The following OASL variants were observed in gnomAD, a reference collection of about 807,000 sequenced individuals.
The protein encoded by OASL is 2'-5'-oligoadenylate synthetase like, also known as 2'-5'-oligoadenylate synthase-like protein.
Under a neutral mutation model 35.3 loss-of-function variants are expected in OASL, and 28 were observed. The observed-to-expected ratio is 0.79, with a 90% CI of 0.59 to 1.09. The LOEUF (loss-of-function observed/expected upper bound fraction) is 1.09. OASL is among the 50% of genes least tolerant of loss of function. OASL has a pLI of 0.00. For synonymous variants in OASL, 252 were observed against 254.6 expected (o/e 0.99, Z 0.10); for missense variants, 620 against 635.2 (o/e 0.98, Z 0.26).
intron 2 of OASL, among the ~76,000 whole-genome samples, chr12:121,033,070 G>A (rs955228531): frequency 3.3e-5 from 5 of 151,752 alleles, no homozygotes; most frequent in South Asian, 2.1e-4. Context: ...GATTACAGGC[G>A]CCCACCACCA....
At chr12:121,022,587 C>T (rs1349287379) in intron 5 of OASL, among the ~76,000 whole-genome samples, 1 of 152,212 alleles carries the variant, frequency 6.6e-6, no homozygotes, top group East Asian at 1.9e-4. Flanking sequence ...TGGGCCTCCT[C>T]ATTTGGCCAG....
chr12:121,020,934 C>G, exon 6 of OASL: 1 of 1,614,186 alleles, frequency 6.2e-7, no homozygotes, highest in Non-Finnish European at 8.5e-7. Flanking sequence ...ACGCTGCAGG[C>G]CAGAGTAGCC....
At chr12:121,036,505 C>G (rs116875355) in intron 1 of OASL, among the ~76,000 whole-genome samples, 10 of 152,112 alleles carry the variant, frequency 6.6e-5, no homozygotes, top group African/African-American at 2.2e-4. Context: ...CATTCTTGGC[C>G]GGGCGTGGTG....
rs768623395 is a variant in OASL, at chr12:121,031,593, G to GA, written c.505_506insT (p.Pro169LeufsTer4). 3.7e-6 allele frequency: 6 copies of GA among 1,613,456 alleles called. No homozygotes were observed. Among genetic ancestry groups the GA allele is most frequent in the Non-Finnish European group, 4.2e-6 (5 of 1,179,632 alleles). ...CAGGCTCACATAGACCTCAGGGGGTGGCTGGGAGTTGGGAAGAGAAGGCCC... is the reference window on the plus strand; with the variant it reads ...CAGGCTCACATAGACCTCAGGGGGTGAGCTGGGAGTTGGGAAGAGAAGGCCC... On this transcript the variant is annotated frameshift_variant, in exon 3 of 6. Coordinates refer to ENST00000257570, the Ensembl canonical transcript of OASL. LOFTEE classifies it high-confidence loss of function.
exon 4 of OASL, chr12:121,027,605 A>G (rs199515027): frequency 8.7e-5 from 140 of 1,613,688 alleles, no homozygotes; most frequent in Middle Eastern, 4.9e-4. Context: ...TTCTGACACA[A>G]TCCTCAATGA....
chr12:121,033,011 C>T (rs750509649), intron 2 of OASL, among the ~76,000 whole-genome samples: 13 of 151,942 alleles, frequency 8.6e-5, no homozygotes, highest in Admixed American at 7.9e-4. Context: ...CTGCAACCTC[C>T]GCCTCCTGGG....
chr12:121,027,895 G>T, intron 3 of OASL, 78 bp from the exon 4 acceptor site: 1 of 1,289,804 alleles, frequency 7.8e-7, no homozygotes, highest in Non-Finnish European at 1.1e-6. Context: ...CAGAAGCTGA[G>T]AAATCCAAGT....
chr12:121,033,375 C>G, intron 2 of OASL, 86 bp downstream of exon 2: 1 of 1,339,964 alleles, frequency 7.5e-7, no homozygotes, highest in Non-Finnish European at 1.0e-6. Context: ...TGGGTGTGTG[C>G]ACGTGGCCAT....
At chr12:121,026,922 A>T (rs2135906438) in intron 4 of OASL, among the ~76,000 whole-genome samples, 1 of 151,530 alleles carries the variant, frequency 6.6e-6, no homozygotes, top group Non-Finnish European at 1.5e-5. Context: ...GAGCTGTGGT[A>T]TTTATCCACC....
At chr12:121,028,811 T>C (rs1869606456) in intron 3 of OASL, among the ~76,000 whole-genome samples, 1 of 152,162 alleles carries the variant, frequency 6.6e-6, no homozygotes, top group African/African-American at 2.4e-5. Context: ...CCGCCCGTAA[T>C]CCCAGCACCT....
exon 3 of OASL, chr12:121,031,530 G>A (rs776727366): frequency 1.9e-6 from 3 of 1,614,020 alleles, no homozygotes; most frequent in Non-Finnish European, 2.5e-6. Flanking sequence ...CTCGCTGAAG[G>A]ATGGGCAGAA....
exon 2 of OASL, chr12:121,033,570 C>T: frequency 6.2e-7 from 1 of 1,614,190 alleles, no homozygotes. Flanking sequence ...TCCTCAGGTC[C>T]TCGAGCCCGA....
At chr12:121,027,606 T>C (rs1410312797) in exon 4 of OASL, 1 of 1,614,102 alleles carries the variant, frequency 6.2e-7, no homozygotes, top group African/African-American at 1.3e-5. Flanking sequence ...TCTGACACAA[T>C]CCTCAATGAT....
At chr12:121,038,590 C>T (rs145263504) in intron 1 of OASL, among the ~76,000 whole-genome samples, 184 bp downstream of exon 1, 2 of 152,354 alleles carry the variant, frequency 1.3e-5, no homozygotes, top group Non-Finnish European at 2.9e-5. Context: ...GCTATTATTA[C>T]TAGACTCATT....
At chr12:121,030,888 C>G (rs1869698871) in intron 3 of OASL, among the ~76,000 whole-genome samples, 1 of 152,120 alleles carries the variant, frequency 6.6e-6, no homozygotes, top group African/African-American at 2.4e-5. Flanking sequence ...GTAATCCCAG[C>G]ACTTTGGGAG....
intron 4 of OASL, among the ~76,000 whole-genome samples, chr12:121,025,919 G>A (rs1869464486): frequency 1.3e-5 from 2 of 152,138 alleles, no homozygotes; most frequent in South Asian, 4.1e-4. Flanking sequence ...TCCCAACCCT[G>A]ACTGCTCCCT....
chr12:121,018,098 A>C (rs1398594827), downstream of OASL, among the ~76,000 whole-genome samples: 2 of 152,212 alleles, frequency 1.3e-5, no homozygotes, highest in African/African-American at 4.8e-5. Context: ...AATTTCCAAA[A>C]AGTCCTTACT....
chr12:121,020,582 C>T, exon 6 of OASL: 1 of 1,605,248 alleles, frequency 6.2e-7, no homozygotes, highest in Non-Finnish European at 8.5e-7. Context: ...GAAACAGAGC[C>T]TCTCCTTTCT....
chr12:121,033,622 A>T (rs777156196), exon 2 of OASL: 10 of 1,614,152 alleles, frequency 6.2e-6, no homozygotes, highest in Non-Finnish European at 8.5e-6. Flanking sequence ...TTTCCATATC[A>T]GCCTCAGAAC....
Sources: allele counts gnomAD v4.1 joint callset (sites outside exome capture counted in the v4.1 genomes callset), GRCh38; gene constraint gnomAD v4.1.1; transcripts MANE v1.5; gene names NCBI Gene and HGNC (gene_info 2026-07-23, HGNC 2026-07-21).